Variants in ZNF273 observed in about 807,000 individuals in gnomAD.
ZNF273 encodes the protein zinc finger protein 273.
Under a neutral mutation model 14.9 loss-of-function variants are expected in ZNF273, and 11 were observed. That is an observed-to-expected ratio of 0.74 (90% confidence interval 0.46 to 1.22). The LOEUF is 1.22. ZNF273 is among the 50% of genes most tolerant of loss of function. The pLI, the probability that ZNF273 is intolerant of heterozygous loss-of-function variation, is 0.00. For missense variants in ZNF273, 577 were observed against 660.6 expected (o/e 0.87, Z 1.39); for synonymous variants, 199 against 223.9 (o/e 0.89, Z 0.99).
downstream of ZNF273, chr7:64,933,289 A>T (rs564120795): frequency 6.6e-6 from 1 of 152,162 alleles, no homozygotes; most frequent in East Asian, 1.9e-4. Flanking sequence ...TTCTTAATAT[A>T]TATTTTTTTG....
At chr7:64,935,554 A>G (rs4718172), downstream of ZNF273, among the ~76,000 whole-genome samples, 86,261 of 151,598 alleles carry the variant, frequency 0.57, 24,775 homozygotes, top group East Asian at 0.7. Context: ...ACAGAGTCTC[A>G]CTCTGTCACC....
rs905512455 is a variant in ZNF273 at position 64,928,053 on chromosome 7, C to T, written c.725C>T (p.Ala242Val). ...TACAAATGTAAGACATGTGGAAAAG[C>T]CTTTAACCAGTTCTCAAATCTTACT... ...NFYKCKTCGK[A>V]FNQFSNLTKH... Residue 242 changes from alanine to valine, a missense_variant, in exon 4 of 4, where the codon GCC (alanine) becomes GTC (valine). By Grantham distance (64) the Ala-to-Val change is moderately conservative. Coordinates refer to ENST00000476120, the MANE Select transcript of ZNF273 (RefSeq NM_021148.3). The T allele has an allele frequency of 9.3e-6, 15 of 1,613,780 alleles. No individual in the cohort carries two copies. The highest frequency in any genetic ancestry group is 1.3e-5 in the African/African-American group (1 of 74,916).
At position 64,927,764 on chromosome 7, in the gene ZNF273, T is replaced by A. The variant is rs2129105476; in HGVS notation, c.436T>A (p.Leu146Ile). The A allele has an allele frequency of 6.2e-7, 1 of 1,613,608 alleles. No individual in the cohort carries two copies. The highest frequency in any genetic ancestry group is 2.2e-5 in the East Asian group (1 of 44,842). Residue 146 changes from leucine (L) to isoleucine (I), a missense_variant, in exon 4 of 4, where the codon TTA becomes ATA. By Grantham distance (5) the Leu-to-Ile change is conservative. Transcript: ENST00000476120. ...YGKYGHENLQ[L>I]RKGCKSADEH... Reference sequence around the variant, plus strand: ...AAAATATGGACATGAGAATTTACAATTAAGAAAAGGCTGTAAAAGTGCGGA... The same window carrying A: ...AAAATATGGACATGAGAATTTACAAATAAGAAAAGGCTGTAAAAGTGCGGA...
intron 1 of ZNF273, among the ~76,000 whole-genome samples, chr7:64,905,713 C>T (rs1793066548): frequency 6.6e-6 from 1 of 152,220 alleles, no homozygotes; most frequent in African/African-American, 2.4e-5. Flanking sequence ...AGAGGGTGGT[C>T]GTTGAGCACT....
At chr7:64,907,289 G>A (rs1477519698) in intron 1 of ZNF273, among the ~76,000 whole-genome samples, 1 of 152,146 alleles carries the variant, frequency 6.6e-6, no homozygotes, top group African/African-American at 2.4e-5. Context: ...ACTGTTCCTG[G>A]AGAGCACAAA....
intron 3 of ZNF273, among the ~76,000 whole-genome samples, chr7:64,922,419 C>G (rs1456554794): frequency 1.3e-5 from 2 of 151,846 alleles, no homozygotes; most frequent in East Asian, 1.9e-4. Flanking sequence ...ACCTCTGCCT[C>G]CCAGGTTCAA....
chr7:64,924,540 C>CGT (rs1699811689), intron 3 of ZNF273: 2 of 152,134 alleles, frequency 1.3e-5, no homozygotes, highest in Admixed American at 6.5e-5. Flanking sequence ...CACACGCGCG[C>CGT]GCGCAAATTT....
chr7:64,878,756 T>C (rs62455064), intron 2 of ZNF273, among the ~76,000 whole-genome samples: 13,233 of 152,234 alleles, frequency 0.087, 823 homozygotes, highest in East Asian at 0.27. Flanking sequence ...GATGGATGAC[T>C]GATGTTTCCT....
chr7:64,903,816 T>G (rs966138896), intron 1 of ZNF273, among the ~76,000 whole-genome samples: 2 of 152,200 alleles, frequency 1.3e-5, no homozygotes, highest in Non-Finnish European at 2.9e-5. Flanking sequence ...TATTAAAGAA[T>G]TTAATCAGAC....
chr7:64,881,660 G>A (rs10253636), downstream of ZNF273, among the ~76,000 whole-genome samples: 6,383 of 152,202 alleles, frequency 0.042, 157 homozygotes, highest in Middle Eastern at 0.082. Context: ...CCCAGATCTT[G>A]GCTGCCAGGG....
chr7:64,907,748 G>A (rs1793217994), intron 1 of ZNF273, among the ~76,000 whole-genome samples: 1 of 152,198 alleles, frequency 6.6e-6, no homozygotes, highest in Non-Finnish European at 1.5e-5. Flanking sequence ...GGCCTGGAAT[G>A]GAACTCTGGG....
At chr7:64,913,646 G>A (rs779821871) in intron 1 of ZNF273, among the ~76,000 whole-genome samples, 2 of 152,194 alleles carry the variant, frequency 1.3e-5, no homozygotes, top group African/African-American at 4.8e-5. Context: ...CAAGAGTGCT[G>A]AGTGTAAGGT....
chr7:64,928,534 C>A lies in ZNF273; in HGVS notation c.1206C>A (p.Tyr402Ter), dbSNP rs771943907. ...HKIVHTGEKPYKCEECGKAFK... is the reference protein window; with the variant it reads ...HKIVHTGEKP The stretch of plus-strand genomic sequence containing the variant: ...TAGTTCATACTGGAGAGAAACCCTA[C>A]AAATGTGAAGAATGTGGTAAAGCCT... Residue 402 changes from tyrosine to a stop codon, truncating the protein, a stop_gained, in exon 4 of 4, where the codon TAC (tyrosine) becomes TAA (stop). Coordinates refer to ENST00000476120, the MANE Select transcript of ZNF273 (RefSeq NM_021148.3). LOFTEE classifies it high-confidence loss of function. 1.2e-6 allele frequency: 2 copies of A among 1,613,910 alleles called. No individual in the cohort carries two copies. Among genetic ancestry groups the A allele is most frequent in the East Asian group, 2.2e-5 (1 of 44,836 alleles).
chr7:64,911,311 C>G (rs931279502), intron 1 of ZNF273, among the ~76,000 whole-genome samples: 4 of 148,328 alleles, frequency 2.7e-5, no homozygotes, highest in East Asian at 2.0e-4. Flanking sequence ...GAGTTTCACT[C>G]TGGTTGCAAT....
At chr7:64,931,530 T>C (rs1015172137), downstream of ZNF273, among the ~76,000 whole-genome samples, 1 of 152,170 alleles carries the variant, frequency 6.6e-6, no homozygotes, top group African/African-American at 2.4e-5. Flanking sequence ...TAAGTTATAT[T>C]TTATTTATTT....
chr7:64,917,056 C>T (rs921751662), intron 1 of ZNF273: 1 of 1,284,744 alleles, frequency 7.8e-7, no homozygotes. Flanking sequence ...AAATCACAGG[C>T]TCTTCCACTT....
At chr7:64,898,183 G>T (rs1429484538) in intron 4 of ZNF273, 1 of 152,158 alleles carries the variant, frequency 6.6e-6, no homozygotes, top group East Asian at 1.9e-4. Flanking sequence ...CTTACCTGTA[G>T]TTGTACATCA....
upstream of ZNF273, among the ~76,000 whole-genome samples, chr7:64,899,832 C>T (rs1315038678): frequency 6.7e-6 from 1 of 149,652 alleles, no homozygotes; most frequent in Non-Finnish European, 1.5e-5. Flanking sequence ...GTGATCTTGG[C>T]TCACAGCAAC....
At chr7:64,898,266 CA>C (rs1792481130), upstream of ZNF273, among the ~76,000 whole-genome samples, 1 of 152,174 alleles carries the variant, frequency 6.6e-6, no homozygotes, top group Admixed American at 6.5e-5. Context: ...TCTATTTCAA[CA>C]CCTTCTTCAC....
Sources: allele counts gnomAD v4.1 joint callset (sites outside exome capture counted in the v4.1 genomes callset), GRCh38; gene constraint gnomAD v4.1.1; transcripts MANE v1.5; gene names NCBI Gene and HGNC (gene_info 2026-07-23, HGNC 2026-07-21).